The following TTC28 variants were observed in gnomAD, a reference collection of about 807,000 sequenced individuals.
TTC28 encodes tetratricopeptide repeat protein 28.
TTC28 carries 61 observed loss-of-function variants against 198.0 expected under a neutral mutation model. The observed-to-expected ratio is 0.31, with a 90% CI of 0.25 to 0.38. TTC28 has a LOEUF of 0.38. Among genes scored for constraint, TTC28 ranks in the 10% least tolerant of loss-of-function variants. The probability of loss-of-function intolerance (pLI) is 1.00; values close to 1 mark genes in which losing one functional copy is unlikely to be tolerated. For synonymous variants in TTC28, 1,171 were observed against 1,297.8 expected (o/e 0.90, Z 2.10); for missense variants, 2,678 against 3,164.0 (o/e 0.85, Z 3.69).
chr22:28,105,512 T>C lies in TTC28; in HGVS notation c.3074A>G (p.Gln1025Arg). The part of the protein sequence containing the change: ...TALQYHQLDL[Q>R]IAEETNNPTC... The stretch of plus-strand genomic sequence containing the variant: ...GGGGTTGTTGGTTTCCTCTGCTATC[T>C]GTAGATCAAGCTGGTGGTACTGCAG... Residue 1025 changes from glutamine to arginine, a missense_variant, in exon 8 of 23, where the codon CAG (glutamine) becomes CGG (arginine). Gln to Arg is a conservative substitution (Grantham distance 43, BLOSUM62 1). Coordinates refer to ENST00000397906, the MANE Select transcript of TTC28 (RefSeq NM_001145418.2). The C allele has an allele frequency of 1.3e-6, 2 of 1,551,666 alleles. No individual in the cohort carries two copies. Among genetic ancestry groups the C allele is most frequent in the Non-Finnish European group, 1.7e-6 (2 of 1,146,978 alleles).
chr22:28,378,173 T>C (rs1400748976), intron 2 of TTC28, among the ~76,000 whole-genome samples: 2 of 151,794 alleles, frequency 1.3e-5, no homozygotes, highest in Non-Finnish European at 2.9e-5. Flanking sequence ...CAAAACTCTG[T>C]CTCTACTAAA....
chr22:28,015,483 T>C (rs192268877), intron 13 of TTC28, among the ~76,000 whole-genome samples: 1 of 147,646 alleles, frequency 6.8e-6, no homozygotes, highest in African/African-American at 2.5e-5. Context: ...AGTGCAGTGG[T>C]GCAAACATAG....
chr22:28,231,964 A>C (rs1928840026), intron 5 of TTC28, among the ~76,000 whole-genome samples: 1 of 152,252 alleles, frequency 6.6e-6, no homozygotes, highest in Non-Finnish European at 1.5e-5. Context: ...TTCATAATTG[A>C]GAAAGTATCC....
intron 2 of TTC28, among the ~76,000 whole-genome samples, chr22:28,550,667 A>G (rs1298127833): frequency 6.6e-6 from 1 of 152,170 alleles, no homozygotes; most frequent in African/African-American, 2.4e-5. Flanking sequence ...CATAAATTCT[A>G]TTTTACAGTA....
intron 2 of TTC28, among the ~76,000 whole-genome samples, chr22:28,578,280 T>G (rs1011278211): frequency 6.6e-6 from 1 of 152,168 alleles, no homozygotes; most frequent in Non-Finnish European, 1.5e-5. Context: ...TCCTCAATTT[T>G]TAACTTTTGT....
At chr22:28,242,614 G>A (rs1329846964) in intron 5 of TTC28, among the ~76,000 whole-genome samples, 1 of 152,066 alleles carries the variant, frequency 6.6e-6, no homozygotes, top group Non-Finnish European at 1.5e-5. Flanking sequence ...AAAGTCATTT[G>A]TTCTATATCT....
intron 12 of TTC28, among the ~76,000 whole-genome samples, chr22:28,039,657 C>G (rs971135064): frequency 3.3e-5 from 5 of 151,948 alleles, no homozygotes; most frequent in Non-Finnish European, 5.9e-5. Flanking sequence ...TACCCTAAAA[C>G]TTAAAGTATA....
chr22:28,326,531 G>A (rs542494197), intron 2 of TTC28, among the ~76,000 whole-genome samples: 162 of 152,230 alleles, frequency 1.1e-3, no homozygotes, highest in Middle Eastern at 3.4e-3. Flanking sequence ...TACATTATAT[G>A]TATTTTTTCA....
At chr22:28,301,302 T>C (rs2045018997) in intron 3 of TTC28, among the ~76,000 whole-genome samples, 1 of 152,240 alleles carries the variant, frequency 6.6e-6, no homozygotes, top group African/African-American at 2.4e-5. Flanking sequence ...TTTGGCAGCC[T>C]ATAGCTATTA....
At chr22:28,502,165 A>T (rs754411790) in intron 2 of TTC28, among the ~76,000 whole-genome samples, 65 of 152,192 alleles carry the variant, frequency 4.3e-4, no homozygotes, top group Non-Finnish European at 8.8e-4. Context: ...CTGTTAAGAG[A>T]TAACAGTTGT....
At chr22:28,552,816 A>G in intron 2 of TTC28, among the ~76,000 whole-genome samples, 1 of 91,390 alleles carries the variant, frequency 1.1e-5, no homozygotes. Context: ...CTCTCTTTCC[A>G]CGGTCTCCCT....
intron 2 of TTC28, among the ~76,000 whole-genome samples, chr22:28,574,367 G>C (rs1208874095): frequency 1.3e-5 from 2 of 151,848 alleles, no homozygotes. Context: ...GTGTGTGTGT[G>C]TGTGTGTGTT....
rs1293874091 is a variant in TTC28, at chr22:28,163,459, G to T, written c.1074C>A (p.Gly358=). ...KDELSEAREL[G]NMGAVYIAMG... ...TGGCAATATACACAGCTCCCATGTT[G>T]CCAAGTTCTCGGGCTTCAGAAAGTT... Residue 358 remains glycine, a synonymous_variant, in exon 6 of 23, where the codon GGC becomes GGA. Transcript: ENST00000397906. The T allele has an allele frequency of 6.4e-7, 1 of 1,551,616 alleles. No homozygotes were observed. Among genetic ancestry groups the T allele is most frequent in the Non-Finnish European group, 8.7e-7 (1 of 1,147,008 alleles).
rs891646499 is a variant in TTC28 at position 28,107,278 on chromosome 22, T to G, written c.2567A>C (p.Tyr856Ser). 9.0e-6 allele frequency: 14 copies of G among 1,551,744 alleles called. No individual in the cohort carries two copies. In the African/African-American group the frequency reaches 1.9e-4, roughly 21 times the overall value. The change falls in exon 7 of 23, where the codon TAC (tyrosine) becomes TCC (serine). Residue 856 changes from tyrosine to serine, a missense_variant. Transcript: ENST00000397906. The part of the protein sequence containing the change: ...NMNVMEEAIG[Y>S]FEQQLAMLQQ... Reference sequence around the variant, plus strand: ...CAGCATGGCCAATTGCTGCTCAAAGTAGCCAATGGCTTCTTCCATCACATT... The same window carrying G: ...CAGCATGGCCAATTGCTGCTCAAAGGAGCCAATGGCTTCTTCCATCACATT...
chr22:28,336,270 T>A (rs2045716613), intron 2 of TTC28, among the ~76,000 whole-genome samples: 1 of 152,226 alleles, frequency 6.6e-6, no homozygotes, highest in Non-Finnish European at 1.5e-5. Context: ...TTTGCATCAA[T>A]GTTCATCAGG....
chr22:28,242,477 T>A (rs956142590), intron 5 of TTC28, among the ~76,000 whole-genome samples: 6 of 152,098 alleles, frequency 3.9e-5, no homozygotes, highest in African/African-American at 1.2e-4. Context: ...TCTAGAGAGG[T>A]TGTACACTTA....
intron 5 of TTC28, among the ~76,000 whole-genome samples, chr22:28,192,727 A>C (rs1207081153): frequency 6.6e-6 from 1 of 152,220 alleles, no homozygotes; most frequent in Non-Finnish European, 1.5e-5. Flanking sequence ...TGAAGCAAGA[A>C]GAGAAGTTCA....
intron 5 of TTC28, among the ~76,000 whole-genome samples, chr22:28,257,753 T>C (rs1298972178): frequency 2.5e-5 from 1 of 39,506 alleles, no homozygotes; most frequent in African/African-American, 6.9e-5. Context: ...TATATATATA[T>C]ATATATATAT....
chr22:28,447,645 T>C (rs2047722533), intron 2 of TTC28, among the ~76,000 whole-genome samples: 1 of 152,200 alleles, frequency 6.6e-6, no homozygotes, highest in Non-Finnish European at 1.5e-5. Context: ...GTCTCGGTCT[T>C]AGGCTCAGAT....
Sources: gnomAD v4.1 joint callset for allele counts (sites outside exome capture counted in the v4.1 genomes callset) on GRCh38, gnomAD v4.1.1 for gene constraint, MANE v1.5 for transcripts, NCBI Gene and HGNC (gene_info 2026-07-23, HGNC 2026-07-21) for gene names.